The following ITGBL1 variants were observed in gnomAD, a reference collection of about 807,000 sequenced individuals.
The protein encoded by ITGBL1 is integrin subunit beta like 1.
In ITGBL1, 51 loss-of-function variants were observed where a neutral mutation model predicts 68.5. That is an observed-to-expected ratio of 0.74 (90% CI 0.59 to 0.94). ITGBL1 has a LOEUF of 0.94. ITGBL1 is among the 40% of genes least tolerant of loss of function. The pLI, the probability that ITGBL1 is intolerant of heterozygous loss-of-function variation, is 0.00. For synonymous variants in ITGBL1, 209 were observed against 227.3 expected (o/e 0.92, Z 0.72); for missense variants, 649 against 647.4 (o/e 1.00, Z -0.03).
chr13:101,518,643 T>TA lies in ITGBL1; in HGVS notation c.317-49055dup, dbSNP rs377571895. On this transcript the variant is annotated intron_variant, in intron 2 of 10. Coordinates refer to ENST00000376180, the MANE Select transcript of ITGBL1 (RefSeq NM_004791.3). ...CTGAGGATATCATTTCAGTTTGTCTTAGACAGGGATCCCCCAGGTATGTAT... is the reference window on the plus strand; with the variant it reads ...CTGAGGATATCATTTCAGTTTGTCTTAAGACAGGGATCCCCCAGGTATGTAT... Among the ~76,000 whole-genome samples, 280 of 152,320 alleles carry TA rather than the reference T, an allele frequency of 1.8e-3. 1 individual carries two copies. Among genetic ancestry groups the TA allele is most frequent in the African/African-American group, 6.5e-3 (271 of 41,574 alleles).
At chr13:101,501,966 C>G (rs2048949890) in intron 2 of ITGBL1, among the ~76,000 whole-genome samples, 1 of 152,140 alleles carries the variant, frequency 6.6e-6, no homozygotes, top group Non-Finnish European at 1.5e-5. Context: ...TCCTTTTCCC[C>G]AGAGGCTTCC....
intron 6 of ITGBL1, among the ~76,000 whole-genome samples, chr13:101,589,797 T>G (rs2050620361): frequency 6.6e-6 from 1 of 152,212 alleles, no homozygotes; most frequent in Non-Finnish European, 1.5e-5. Flanking sequence ...TTGCTTATAG[T>G]TGGCAATGCC....
chr13:101,463,678 C>T (rs2048345838), intron 2 of ITGBL1, among the ~76,000 whole-genome samples: 1 of 152,082 alleles, frequency 6.6e-6, no homozygotes, highest in African/African-American at 2.4e-5. Context: ...CTAGGGTGTT[C>T]CTTGATCTCC....
chr13:101,598,402 G>C, intron 7 of ITGBL1, 103 bp downstream of exon 7: 2 of 983,498 alleles, frequency 2.0e-6, no homozygotes, highest in Non-Finnish European at 2.7e-6. Context: ...TTTGTTTTCT[G>C]CTTTTTGGTT....
chr13:101,560,963 A>G (rs1037643666), intron 2 of ITGBL1, among the ~76,000 whole-genome samples: 1 of 152,166 alleles, frequency 6.6e-6, no homozygotes, highest in African/African-American at 2.4e-5. Flanking sequence ...CTTACACTGA[A>G]GAAAAGTGGG....
intron 2 of ITGBL1, among the ~76,000 whole-genome samples, chr13:101,491,627 AT>A (rs138131160): frequency 0.062 from 9,457 of 151,366 alleles, 941 homozygotes; most frequent in African/African-American, 0.21. Flanking sequence ...CTTTTTCTTT[AT>A]TTTTTTTTAA....
chr13:101,456,780 T>G (rs2048249418), intron 2 of ITGBL1, among the ~76,000 whole-genome samples: 1 of 152,174 alleles, frequency 6.6e-6, no homozygotes, highest in Non-Finnish European at 1.5e-5. Context: ...CTGGGCTTGG[T>G]GGCATGTGCC....
chr13:101,519,071 A>T (rs2049241517), intron 2 of ITGBL1, among the ~76,000 whole-genome samples: 1 of 152,210 alleles, frequency 6.6e-6, no homozygotes, highest in Non-Finnish European at 1.5e-5. Flanking sequence ...ACTAAACTTT[A>T]AAAATAAAGT....
At chr13:101,471,261 A>T (rs2048452899) in intron 2 of ITGBL1, among the ~76,000 whole-genome samples, 1 of 152,124 alleles carries the variant, frequency 6.6e-6, no homozygotes, top group Non-Finnish European at 1.5e-5. Flanking sequence ...GTTTCCTCTT[A>T]TCATAGTGTT....
intron 7 of ITGBL1, among the ~76,000 whole-genome samples, chr13:101,603,336 T>G (rs893439130): frequency 4.6e-5 from 7 of 152,016 alleles, no homozygotes; most frequent in African/African-American, 1.7e-4. Flanking sequence ...CTCATATCCA[T>G]TATTTTCCCC....
At chr13:101,580,908 A>G (rs1258353128) in intron 5 of ITGBL1, among the ~76,000 whole-genome samples, 6 of 152,216 alleles carry the variant, frequency 3.9e-5, no homozygotes, top group Non-Finnish European at 5.9e-5. Context: ...ACCTGGAGCT[A>G]TGGCAGAGGC....
intron 2 of ITGBL1, among the ~76,000 whole-genome samples, chr13:101,527,634 C>T (rs540875429): frequency 3.5e-4 from 53 of 152,056 alleles, no homozygotes; most frequent in Middle Eastern, 3.4e-3. Flanking sequence ...TAATCCTCAA[C>T]AATGTCTGGG....
chr13:101,690,791 C>A (rs1029712058), intron 7 of ITGBL1, among the ~76,000 whole-genome samples: 3 of 152,096 alleles, frequency 2.0e-5, no homozygotes, highest in African/African-American at 7.2e-5. Context: ...GTCATGGATC[C>A]TTCTGACATT....
chr13:101,684,458 A>G (rs2033710129), intron 7 of ITGBL1, among the ~76,000 whole-genome samples: 1 of 151,958 alleles, frequency 6.6e-6, no homozygotes, highest in Non-Finnish European at 1.5e-5. Context: ...TATTTTAACA[A>G]TATTGAATAA....
At chr13:101,485,793 GAACAA>G (rs1414358828) in intron 2 of ITGBL1, among the ~76,000 whole-genome samples, 3 of 151,538 alleles carry the variant, frequency 2.0e-5, no homozygotes, top group African/African-American at 4.9e-5. Context: ...CTCTGTCTCA[GAACAA>G]AACAAAACAA....
At chr13:101,490,087 A>G (rs1270234416) in intron 2 of ITGBL1, 7 of 828,206 alleles carry the variant, frequency 8.5e-6, no homozygotes, top group South Asian at 1.5e-5. Context: ...TTGAAATTCT[A>G]ACCCCCAGTG....
At chr13:101,583,423 A>G in intron 6 of ITGBL1, 67 bp downstream of exon 6, 2 of 1,336,152 alleles carry the variant, frequency 1.5e-6, no homozygotes, top group Non-Finnish European at 2.0e-6. Context: ...GTAAAAAAAA[A>G]AAAAAAGCAA....
chr13:101,621,234 G>A (rs1195589815), intron 7 of ITGBL1, among the ~76,000 whole-genome samples: 1 of 152,088 alleles, frequency 6.6e-6, no homozygotes, highest in East Asian at 1.9e-4. Context: ...TCCATCCCAG[G>A]CATCCTTCCA....
intron 2 of ITGBL1, among the ~76,000 whole-genome samples, chr13:101,481,006 G>A (rs2048612287): frequency 9.5e-6 from 1 of 104,992 alleles, no homozygotes; most frequent in African/African-American, 3.8e-5. Flanking sequence ...AAAGATATGT[G>A]TGTGTGTGTG....
Sources: gnomAD v4.1 joint callset for allele counts (sites outside exome capture counted in the v4.1 genomes callset) on GRCh38, gnomAD v4.1.1 for gene constraint, MANE v1.5 for transcripts, NCBI Gene and HGNC (gene_info 2026-07-23, HGNC 2026-07-21) for gene names.